Variants in SLAIN2 observed in about 807,000 individuals in gnomAD.
SLAIN2 encodes SLAIN motif-containing protein 2.
In SLAIN2, 31 loss-of-function variants were observed where a neutral mutation model predicts 56.6. The observed-to-expected ratio is 0.55, with a 90% confidence interval of 0.41 to 0.74. The LOEUF is 0.74. SLAIN2 is among the 30% of genes least tolerant of loss of function. The pLI is 0.00. For synonymous variants in SLAIN2, 317 were observed against 284.9 expected (o/e 1.11, Z -1.13); for missense variants, 777 against 754.2 (o/e 1.03, Z -0.35).
Position 48,422,222 on chromosome 4 carries a change from G to T in SLAIN2, c.*145G>T. ...CTCTCTGTCTTAATTAGCACAAACCGACAGAGATCATCAAACAGCACTTTA... is the reference window on the plus strand; with the variant it reads ...CTCTCTGTCTTAATTAGCACAAACCTACAGAGATCATCAAACAGCACTTTA... On this transcript the variant is annotated 3_prime_UTR_variant, in exon 8 of 8. Transcript: ENST00000264313. The T allele has an allele frequency of 3.3e-6, 2 of 613,612 alleles. No individual in the cohort carries two copies. The highest frequency in any genetic ancestry group is 5.8e-6 in the Non-Finnish European group (2 of 346,742). 38.0% of individuals were successfully genotyped at this position (613,612 alleles called of 1,614,324 possible).
intron 2 of SLAIN2, among the ~76,000 whole-genome samples, chr4:48,371,984 A>G (rs1481768106): frequency 5.8e-5 from 8 of 137,434 alleles, no homozygotes; most frequent in African/African-American, 2.1e-4. Flanking sequence ...ACACACACAC[A>G]CACACGCGCG....
chr4:48,393,782 T>C (rs1458359490), intron 6 of SLAIN2, among the ~76,000 whole-genome samples: 2 of 152,098 alleles, frequency 1.3e-5, no homozygotes, highest in African/African-American at 4.8e-5. Flanking sequence ...AGTAACTGTA[T>C]ATTGGGGAAA....
At chr4:48,342,897 A>C (rs1714764704) in intron 1 of SLAIN2, among the ~76,000 whole-genome samples, 1 of 151,872 alleles carries the variant, frequency 6.6e-6, no homozygotes, top group Non-Finnish European at 1.5e-5. Context: ...CCTATTTAAA[A>C]ATTTAAACCA....
intron 6 of SLAIN2, among the ~76,000 whole-genome samples, chr4:48,384,001 C>G (rs1442539808): frequency 6.6e-6 from 1 of 152,156 alleles, no homozygotes; most frequent in Non-Finnish European, 1.5e-5. Flanking sequence ...GCCAGTACAT[C>G]TGTCTATACA....
At chr4:48,405,456 C>G (rs1716668857) in intron 6 of SLAIN2, among the ~76,000 whole-genome samples, 2 of 152,008 alleles carry the variant, frequency 1.3e-5, no homozygotes, top group Admixed American at 1.3e-4. Context: ...TTAGAAGAAA[C>G]CACCAGATCA....
intron 3 of SLAIN2, 70 bp from the exon 4 acceptor site, chr4:48,379,620 A>T (rs80318013): frequency 0.013 from 15,725 of 1,170,398 alleles, 119 homozygotes; most frequent in Non-Finnish European, 0.016. Context: ...ATATCAAGTT[A>T]GTTGCAGTAG....
intron 1 of SLAIN2, among the ~76,000 whole-genome samples, chr4:48,344,169 C>T (rs1714799751): frequency 1.3e-5 from 2 of 152,230 alleles, no homozygotes; most frequent in South Asian, 4.1e-4. Flanking sequence ...TGCTTTGATC[C>T]TGGCTTCATA....
At chr4:48,400,646 C>A (rs1376974250) in intron 6 of SLAIN2, among the ~76,000 whole-genome samples, 2 of 152,002 alleles carry the variant, frequency 1.3e-5, no homozygotes, top group African/African-American at 4.8e-5. Flanking sequence ...AAGTGATCGC[C>A]CGCCTTGGCC....
At chr4:48,360,864 T>G (rs2109743983) in intron 1 of SLAIN2, among the ~76,000 whole-genome samples, 1 of 152,344 alleles carries the variant, frequency 6.6e-6, no homozygotes, top group East Asian at 1.9e-4. Context: ...TATCATACAA[T>G]CTGCGATGTT....
At chr4:48,406,542 T>A (rs909836330) in intron 6 of SLAIN2, among the ~76,000 whole-genome samples, 3 of 150,342 alleles carry the variant, frequency 2.0e-5, no homozygotes, top group Non-Finnish European at 4.4e-5. Context: ...TTTTTTTTTT[T>A]TTTAAGTTAA....
Position 48,424,181 on chromosome 4 carries a change from A to G in SLAIN2, c.*2104A>G, listed in dbSNP as rs1378136026. ...AAAATATTTCATCACTTGTTAAAACATATTTTTGATCTGAGTTTGGTAAAG... is the reference window on the plus strand; with the variant it reads ...AAAATATTTCATCACTTGTTAAAACGTATTTTTGATCTGAGTTTGGTAAAG... On this transcript the variant is annotated 3_prime_UTR_variant, in exon 8 of 8. Transcript: ENST00000264313. The G allele has an allele frequency of 6.6e-6, 1 of 152,098 alleles. No individual in the cohort carries two copies. The highest frequency in any genetic ancestry group is 2.4e-5 in the African/African-American group (1 of 41,434). 9.4% of individuals were successfully genotyped at this position (152,098 alleles called of 1,614,324 possible).
intron 1 of SLAIN2, among the ~76,000 whole-genome samples, chr4:48,345,136 T>G: frequency 6.6e-6 from 1 of 152,224 alleles, no homozygotes; most frequent in East Asian, 1.9e-4. Flanking sequence ...CACCAGGATT[T>G]GAATCCAGGT....
chr4:48,342,479 C>T (rs1714740225), intron 1 of SLAIN2, among the ~76,000 whole-genome samples: 1 of 152,142 alleles, frequency 6.6e-6, no homozygotes, highest in Non-Finnish European at 1.5e-5. Flanking sequence ...GTGTAAGATA[C>T]TGGCTTTCGG....
intron 3 of SLAIN2, among the ~76,000 whole-genome samples, chr4:48,378,856 A>G (rs1560457450): frequency 6.6e-6 from 1 of 152,188 alleles, no homozygotes; most frequent in Admixed American, 6.5e-5. Context: ...TTTTCCTATC[A>G]TGTGCACTCT....
intron 6 of SLAIN2, among the ~76,000 whole-genome samples, chr4:48,396,485 G>C (rs562739779): frequency 6.6e-6 from 1 of 152,164 alleles, no homozygotes; most frequent in Admixed American, 6.5e-5. Flanking sequence ...AGCTGAGATG[G>C]AGAATATCTT....
At chr4:48,342,191 T>G (rs530873532) in intron 1 of SLAIN2, 63 bp downstream of exon 1, 6 of 1,327,500 alleles carry the variant, frequency 4.5e-6, no homozygotes, top group Middle Eastern at 2.2e-4. Context: ...GAGCGTCCTC[T>G]GAGGGTCCCT....
chr4:48,364,021 C>G (rs1392407468), intron 1 of SLAIN2, among the ~76,000 whole-genome samples: 3 of 104,818 alleles, frequency 2.9e-5, no homozygotes, highest in South Asian at 4.2e-4. Context: ...TGGGCGGAGA[C>G]GCTCCTCACT....
chr4:48,398,564 T>C (rs541456261), intron 6 of SLAIN2, among the ~76,000 whole-genome samples: 13 of 152,334 alleles, frequency 8.5e-5, no homozygotes, highest in Non-Finnish European at 1.8e-4. Flanking sequence ...TCATGCAACC[T>C]TTGCCCATGC....
chr4:48,418,217 C>T (rs1411770795), intron 6 of SLAIN2, among the ~76,000 whole-genome samples: 1 of 149,890 alleles, frequency 6.7e-6, no homozygotes, highest in Admixed American at 6.7e-5. Flanking sequence ...GTGGTAAGAG[C>T]GTATGTTCTT....
Sources: gnomAD v4.1 joint callset for allele counts (sites outside exome capture counted in the v4.1 genomes callset) on GRCh38, gnomAD v4.1.1 for gene constraint, MANE v1.5 for transcripts, NCBI Gene and HGNC (gene_info 2026-07-23, HGNC 2026-07-21) for gene names.